The following CCDC179 variants were observed in gnomAD, a reference collection of about 807,000 sequenced individuals.
CCDC179 encodes the protein coiled-coil domain-containing protein 179.
A neutral mutation model predicts 12.0 loss-of-function variants in CCDC179; 17 were observed. The ratio of observed to expected loss-of-function variants is 1.42; its 90% confidence interval spans 0.97 to 2.13. The LOEUF (loss-of-function observed/expected upper bound fraction) is 2.13, where lower values mean the gene tolerates loss of function less well. CCDC179 is among the 30% of genes most tolerant of loss of function. The pLI, the probability that CCDC179 is intolerant of heterozygous loss-of-function variation, is 0.00. For missense variants in CCDC179, 83 were observed against 78.6 expected (o/e 1.06, Z -0.21); for synonymous variants, 27 against 26.4 (o/e 1.02, Z -0.07).
intron 3 of CCDC179, among the ~76,000 whole-genome samples, chr11:22,852,444 C>T (rs1033158062): frequency 5.3e-5 from 8 of 152,178 alleles, no homozygotes; most frequent in Non-Finnish European, 1.2e-4. Context: ...AGCCATTATT[C>T]TGGAGGTCAC....
chr11:22,850,907 T>C (rs1214275418), intron 3 of CCDC179, among the ~76,000 whole-genome samples: 2 of 133,506 alleles, frequency 1.5e-5, no homozygotes, highest in East Asian at 4.4e-4. Flanking sequence ...TACTAAGAGA[T>C]AACTTGGAAG....
At chr11:22,858,595 C>T (rs536744617) in intron 2 of CCDC179, among the ~76,000 whole-genome samples, 5 of 152,040 alleles carry the variant, frequency 3.3e-5, no homozygotes, top group Admixed American at 2.0e-4. Context: ...CTTTGAAAAC[C>T]AACTTTTTAA....
At chr11:22,859,557 A>G in intron 1 of CCDC179, 61 bp from the exon 2 acceptor site, 1 of 967,626 alleles carries the variant, frequency 1.0e-6, no homozygotes, top group Admixed American at 2.8e-5. Flanking sequence ...ACAGTAAATT[A>G]ATTATTATAA....
chr11:22,858,647 T>A (rs1858587861), intron 2 of CCDC179, among the ~76,000 whole-genome samples: 1 of 152,070 alleles, frequency 6.6e-6, no homozygotes, highest in Admixed American at 6.5e-5. Flanking sequence ...ACAATTGCTT[T>A]GAAAACAGTG....
intron 3 of CCDC179, among the ~76,000 whole-genome samples, chr11:22,849,499 C>G (rs10833840): frequency 0.36 from 54,257 of 151,822 alleles, 11,050 homozygotes; most frequent in Non-Finnish European, 0.44. Flanking sequence ...AAAGGGGGAG[C>G]TTTTTTCAGT....
At position 22,847,478 on chromosome 11, in the gene CCDC179, G is replaced by C; in HGVS notation, c.*32C>G. 7.2e-7 allele frequency: 1 copy of C among 1,394,430 alleles called. No individual in the cohort carries two copies. 86.4% of individuals were successfully genotyped at this position (1,394,430 alleles called of 1,614,324 possible). On this transcript the variant is annotated 3_prime_UTR_variant, in exon 4 of 4. Coordinates refer to ENST00000532798, the MANE Select transcript of CCDC179 (RefSeq NM_001195637.2). ...CACAATCCACATATTTCTGTCTGGA[G>C]CATGGTTTCCTTCAAATAGACTCCT...
intron 3 of CCDC179, among the ~76,000 whole-genome samples, chr11:22,849,910 G>C (rs1014683551): frequency 4.6e-5 from 7 of 152,146 alleles, no homozygotes; most frequent in African/African-American, 1.7e-4. Context: ...GTGAGAGAGA[G>C]GAGATTCCTG....
intron 3 of CCDC179, among the ~76,000 whole-genome samples, chr11:22,857,083 T>A (rs781157325): frequency 6.6e-6 from 1 of 151,658 alleles, no homozygotes. Context: ...TGTTAAGATA[T>A]CAGTTATTTC....
chr11:22,855,878 A>AT (rs1858518574), intron 3 of CCDC179, among the ~76,000 whole-genome samples: 1 of 151,490 alleles, frequency 6.6e-6, no homozygotes, highest in South Asian at 2.1e-4. Context: ...CATTAAAAGA[A>AT]TAATAAAAGA....
At chr11:22,856,943 A>T (rs1443602424) in intron 3 of CCDC179, among the ~76,000 whole-genome samples, 1 of 151,736 alleles carries the variant, frequency 6.6e-6, no homozygotes, top group African/African-American at 2.4e-5. Context: ...AACAAAAAAT[A>T]AAATACTTAG....
chr11:22,854,723 T>C (rs1482032347), intron 3 of CCDC179, among the ~76,000 whole-genome samples: 3 of 151,768 alleles, frequency 2.0e-5, no homozygotes, highest in Non-Finnish European at 4.4e-5. Flanking sequence ...ATAAGGCACA[T>C]ACTAATTCGA....
chr11:22,849,115 T>C (rs1858308878), intron 3 of CCDC179, among the ~76,000 whole-genome samples: 1 of 152,318 alleles, frequency 6.6e-6, no homozygotes, highest in Admixed American at 6.5e-5. Context: ...TTGTTATTGC[T>C]ATTCTTTGAA....
chr11:22,848,700 A>G (rs1564914176), intron 3 of CCDC179, among the ~76,000 whole-genome samples: 1 of 152,228 alleles, frequency 6.6e-6, no homozygotes, highest in Non-Finnish European at 1.5e-5. Context: ...GGGCATTAGT[A>G]GGGATACTGC....
At chr11:22,852,043 T>G (rs531102923) in intron 3 of CCDC179, among the ~76,000 whole-genome samples, 1 of 152,318 alleles carries the variant, frequency 6.6e-6, no homozygotes, top group African/African-American at 2.4e-5. Flanking sequence ...CCTAAATAAA[T>G]TGGGTTTTAC....
intron 3 of CCDC179, among the ~76,000 whole-genome samples, chr11:22,852,100 C>T (rs922529150): frequency 6.6e-6 from 1 of 152,100 alleles, no homozygotes; most frequent in Non-Finnish European, 1.5e-5. Context: ...ACTCCTGTTC[C>T]CTATAGCTTT....
intron 1 of CCDC179, 82 bp from the exon 2 acceptor site, chr11:22,859,578 A>T (rs1858614603): frequency 1.3e-6 from 1 of 747,938 alleles, no homozygotes. Flanking sequence ...TAGGAAGCCT[A>T]TGCTACTTTT....
At chr11:22,849,230 T>G (rs1214541254) in intron 3 of CCDC179, among the ~76,000 whole-genome samples, 1 of 152,216 alleles carries the variant, frequency 6.6e-6, no homozygotes, top group Non-Finnish European at 1.5e-5. Flanking sequence ...ATCAGAGCCT[T>G]TATAATTGCC....
chr11:22,857,059 G>A (rs1858544343), intron 3 of CCDC179, among the ~76,000 whole-genome samples: 1 of 151,626 alleles, frequency 6.6e-6, no homozygotes, highest in Non-Finnish European at 1.5e-5. Context: ...TTAATTTATA[G>A]GAAGACTCAA....
intron 3 of CCDC179, among the ~76,000 whole-genome samples, chr11:22,853,711 G>A (rs1309197345): frequency 1.3e-5 from 2 of 151,262 alleles, no homozygotes; most frequent in African/African-American, 2.4e-5. Flanking sequence ...AGAGGAAGAA[G>A]AAGAAAGAAG....
Sources: gnomAD v4.1 joint callset for allele counts (sites outside exome capture counted in the v4.1 genomes callset) on GRCh38, gnomAD v4.1.1 for gene constraint, MANE v1.5 for transcripts, NCBI Gene and HGNC (gene_info 2026-07-23, HGNC 2026-07-21) for gene names.